Variants in GRM7 observed in about 807,000 individuals in gnomAD.
GRM7 encodes glutamate metabotropic receptor 7, also known as metabotropic glutamate receptor 7.
In GRM7, 35 loss-of-function variants were observed where a neutral mutation model predicts 84.5. The ratio of observed to expected loss-of-function variants is 0.41; its 90% CI spans 0.32 to 0.55. The LOEUF is 0.55. Ranked by LOEUF, GRM7 falls within the 20% of genes least tolerant of loss-of-function variation. The pLI is 0.19. For synonymous variants in GRM7, 487 were observed against 455.1 expected, an observed-to-expected ratio of 1.07 and a Z score of -0.89; for missense variants, 1,003 against 1,194.6, an observed-to-expected ratio of 0.84 and a Z score of 2.36.
chr3:7,473,827 C>G (rs1450576186), intron 7 of GRM7, among the ~76,000 whole-genome samples: 4 of 152,090 alleles, frequency 2.6e-5, no homozygotes, highest in African/African-American at 2.4e-5. Context: ...ACTGATTATT[C>G]AAATAGATGG....
chr3:7,115,582 C>G (rs185171367), intron 1 of GRM7, among the ~76,000 whole-genome samples: 11 of 152,234 alleles, frequency 7.2e-5, no homozygotes, highest in Non-Finnish European at 1.3e-4. Context: ...TCTCTGCTTT[C>G]TAAATCAAGG....
chr3:7,006,945 A>G (rs937065615), intron 1 of GRM7, among the ~76,000 whole-genome samples: 1 of 152,246 alleles, frequency 6.6e-6, no homozygotes, highest in African/African-American at 2.4e-5. Context: ...AACTTCAAAC[A>G]GTACAGAATA....
intron 1 of GRM7, among the ~76,000 whole-genome samples, chr3:7,066,313 T>A (rs1328113390): frequency 6.6e-6 from 1 of 151,748 alleles, no homozygotes; most frequent in Non-Finnish European, 1.5e-5. Flanking sequence ...AAAATCCAAC[T>A]AACCTCACTA....
At chr3:7,432,901 A>G (rs1470372782) in intron 5 of GRM7, among the ~76,000 whole-genome samples, 1 of 152,162 alleles carries the variant, frequency 6.6e-6, no homozygotes, top group African/African-American at 2.4e-5. Context: ...TGCAACACTA[A>G]TCAGCCCTGG....
chr3:6,900,775 A>G (rs927676716), intron 1 of GRM7, among the ~76,000 whole-genome samples: 5 of 152,242 alleles, frequency 3.3e-5, no homozygotes, highest in South Asian at 2.1e-4. Context: ...AGTGAGGTTA[A>G]AAGAATAATG....
At chr3:7,230,423 T>C (rs140505905) in intron 2 of GRM7, among the ~76,000 whole-genome samples, 1 of 152,288 alleles carries the variant, frequency 6.6e-6, no homozygotes, top group East Asian at 1.9e-4. Flanking sequence ...CAGATTGCTA[T>C]TGAGTAGTAA....
intron 1 of GRM7, among the ~76,000 whole-genome samples, chr3:6,973,580 T>G (rs62236569): frequency 0.21 from 31,399 of 152,060 alleles, 3,482 homozygotes; most frequent in Non-Finnish European, 0.25. Context: ...AGGAGGAATG[T>G]GGGTTTCATG....
At chr3:7,677,691 T>A (rs1700189556) in intron 8 of GRM7, among the ~76,000 whole-genome samples, 1 of 152,176 alleles carries the variant, frequency 6.6e-6, no homozygotes, top group Non-Finnish European at 1.5e-5. Context: ...AAACACTTCA[T>A]AAAATAAACA....
At chr3:7,119,182 C>G (rs1240379006) in intron 1 of GRM7, among the ~76,000 whole-genome samples, 1 of 152,048 alleles carries the variant, frequency 6.6e-6, no homozygotes, top group African/African-American at 2.4e-5. Context: ...AGTCTGTATG[C>G]TTTTGCTTCC....
chr3:7,485,730 T>C (rs748971145), intron 7 of GRM7, among the ~76,000 whole-genome samples: 14 of 152,238 alleles, frequency 9.2e-5, no homozygotes, highest in Non-Finnish European at 2.1e-4. Flanking sequence ...TTCTGCTGTC[T>C]TAATTTTTGC....
At position 7,486,627 on chromosome 3, in the gene GRM7, G is replaced by A. The variant is rs1318861742; in HGVS notation, c.1515+24905G>A. Reference sequence around the variant, plus strand: ...GCTTCTTTCACTTCTCTGCCATGTTGACACAGCACAAGACCCTCCCCAGAA... The same window carrying A: ...GCTTCTTTCACTTCTCTGCCATGTTAACACAGCACAAGACCCTCCCCAGAA... On this transcript the variant is annotated intron_variant, in intron 7 of 9. Transcript: ENST00000357716. The surrounding 1 kb of genome is among the most constrained non-coding windows in gnomAD (Gnocchi z 5.5). Among the ~76,000 whole-genome samples, 1 of 152,130 alleles carries A rather than the reference G, an allele frequency of 6.6e-6. No individual in the cohort carries two copies. The highest frequency in any genetic ancestry group is 1.9e-4 in the East Asian group (1 of 5,186).
chr3:7,145,809 A>G (rs565593970), intron 1 of GRM7, among the ~76,000 whole-genome samples: 5 of 152,302 alleles, frequency 3.3e-5, no homozygotes, highest in African/African-American at 1.2e-4. Context: ...CAGAATCCAA[A>G]AGAGAATTTG....
chr3:7,709,104 G>T (rs2125164304), intron 9 of GRM7, among the ~76,000 whole-genome samples: 1 of 152,060 alleles, frequency 6.6e-6, no homozygotes, highest in South Asian at 2.1e-4. Context: ...TTTTGTGGTT[G>T]TCCTATTTCA....
chr3:6,932,944 G>A (rs1040128491), intron 1 of GRM7, among the ~76,000 whole-genome samples: 3 of 151,598 alleles, frequency 2.0e-5, no homozygotes, highest in Admixed American at 6.6e-5. Context: ...TAATAGAGTC[G>A]GAGTTTCACC....
At chr3:7,498,214 ATTGT>A (rs1471072942) in intron 7 of GRM7, among the ~76,000 whole-genome samples, 1 of 152,106 alleles carries the variant, frequency 6.6e-6, no homozygotes, top group Non-Finnish European at 1.5e-5. Flanking sequence ...CCCACAGATA[ATTGT>A]TTGTCCACTA....
chr3:7,101,995 G>C (rs1196036122), intron 1 of GRM7, among the ~76,000 whole-genome samples: 1 of 151,138 alleles, frequency 6.6e-6, no homozygotes, highest in Non-Finnish European at 1.5e-5. Context: ...TGTCCTTTGT[G>C]ATATTGTTGT....
chr3:6,998,134 A>AAAAAAAAAAAAAAAAAAAAAAAAAAC (rs1694887682), intron 1 of GRM7, among the ~76,000 whole-genome samples: 1 of 146,910 alleles, frequency 6.8e-6, no homozygotes, highest in Non-Finnish European at 1.5e-5. Flanking sequence ...AAAAAAAAAA[A>AAAAAAAAAAAAAAAAAAAAAAAAAAC]AAAAAGCAGG....
chr3:7,638,337 A>G (rs930878499), intron 8 of GRM7, among the ~76,000 whole-genome samples: 3 of 151,792 alleles, frequency 2.0e-5, no homozygotes, highest in Admixed American at 6.6e-5. Flanking sequence ...TTAGTTTGCA[A>G]TGCATTTTGA....
chr3:7,241,185 G>A (rs1220845767), intron 2 of GRM7, among the ~76,000 whole-genome samples: 7 of 152,106 alleles, frequency 4.6e-5, no homozygotes, highest in Non-Finnish European at 1.0e-4. Context: ...TCAAATGTGA[G>A]GCAGCCTTAT....
Sources: gnomAD v4.1 joint callset for allele counts (sites outside exome capture counted in the v4.1 genomes callset) on GRCh38, gnomAD v4.1.1 for gene constraint, Gnocchi (gnomAD v3.1) non-coding constraint, MANE v1.5 for transcripts, NCBI Gene and HGNC (gene_info 2026-07-23, HGNC 2026-07-21) for gene names.